Variants in SEC23IP observed in about 807,000 individuals in gnomAD.
SEC23IP encodes the protein SEC23-interacting protein.
A neutral mutation model predicts 113.4 loss-of-function variants in SEC23IP; 70 were observed. That is an observed-to-expected ratio of 0.62 (90% confidence interval 0.51 to 0.75). SEC23IP has a LOEUF of 0.75. Among genes scored for constraint, SEC23IP ranks in the 30% least tolerant of loss-of-function variants. SEC23IP has a pLI of 0.00. For synonymous variants in SEC23IP, 398 were observed against 421.0 expected (o/e 0.95, Z 0.67); for missense variants, 1,160 against 1,204.9 (o/e 0.96, Z 0.55).
rs2134460029 is a variant in SEC23IP at position 119,902,848 on chromosome 10, C to G, written c.746C>G (p.Pro249Arg). The change falls in exon 3 of 19, where the codon CCT (proline) becomes CGT (arginine). Residue 249 changes from proline (P) to arginine (R), a missense_variant. Transcript: ENST00000369075. ...GCACAGCAGCAGGTACCTGCCAGAC[C>G]TGGGGCTCCCTCTGTTCAAGTGCCA... ...SPAQQQVPAR[P>R]GAPSVQVPSP... 6.2e-7 allele frequency: 1 copy of G among 1,614,196 alleles called. No homozygotes were observed. The highest frequency in any genetic ancestry group is 1.1e-5 in the South Asian group (1 of 91,092).
rs1376149597 is a variant in SEC23IP, at chr10:119,943,265, G to T, written c.*2700G>T. ...GTTTGAGTCAGTTTCCCAGGGCTGGGTCCTCAGAGGAGAGTGGATAGAATT... is the reference window on the plus strand; with the variant it reads ...GTTTGAGTCAGTTTCCCAGGGCTGGTTCCTCAGAGGAGAGTGGATAGAATT... On this transcript the variant is annotated 3_prime_UTR_variant, in exon 19 of 19. Coordinates refer to ENST00000369075, the MANE Select transcript of SEC23IP (RefSeq NM_007190.4). 1 of 152,176 alleles carries T rather than the reference G, an allele frequency of 6.6e-6. No individual in the cohort carries two copies. Among genetic ancestry groups the T allele is most frequent in the African/African-American group, 2.4e-5 (1 of 41,436 alleles). The allele number at this position is 152,176 out of a possible 1,614,324, so 9.4% of individuals were successfully genotyped here. A position where few individuals can be genotyped will look rare whatever the true frequency, so the allele number is the denominator to read the frequency against.
intron 18 of SEC23IP, among the ~76,000 whole-genome samples, chr10:119,939,124 A>G (rs1023008513): frequency 2.0e-5 from 3 of 151,936 alleles, no homozygotes; most frequent in African/African-American, 7.3e-5. Context: ...GCTTAGCAAC[A>G]TAGACAAGAC....
chr10:119,899,572 G>GATC (rs2134453696), intron 2 of SEC23IP, among the ~76,000 whole-genome samples: 1 of 152,296 alleles, frequency 6.6e-6, no homozygotes, highest in African/African-American at 2.4e-5. Flanking sequence ...CAGTGTGGTG[G>GATC]AGATAGCAGT....
chr10:119,901,726 A>G (rs1026710269), intron 2 of SEC23IP, among the ~76,000 whole-genome samples: 2 of 152,082 alleles, frequency 1.3e-5, no homozygotes, highest in Non-Finnish European at 2.9e-5. Flanking sequence ...AGTCTCTGTC[A>G]CTCAGGCTGG....
intron 13 of SEC23IP, among the ~76,000 whole-genome samples, chr10:119,929,378 C>G (rs962411757): frequency 6.6e-6 from 1 of 152,164 alleles, no homozygotes; most frequent in East Asian, 1.9e-4. Context: ...GAACTACAGG[C>G]GCATGCCACC....
chr10:119,925,193 TTC>T (rs1269575228), intron 12 of SEC23IP, among the ~76,000 whole-genome samples: 3 of 152,186 alleles, frequency 2.0e-5, no homozygotes, highest in African/African-American at 7.2e-5. Flanking sequence ...CTGTGTTCAT[TTC>T]TGTTTCATGA....
chr10:119,928,533 A>G (rs955683905), intron 13 of SEC23IP, among the ~76,000 whole-genome samples: 4 of 152,202 alleles, frequency 2.6e-5, no homozygotes, highest in African/African-American at 7.2e-5. Context: ...TCCATCACTC[A>G]CTGGCTCTGT....
intron 1 of SEC23IP, 25 bp downstream of exon 1, chr10:119,892,970 G>C: frequency 6.3e-7 from 1 of 1,598,796 alleles, no homozygotes; most frequent in Non-Finnish European, 8.5e-7. Flanking sequence ...GCGGCCCCGT[G>C]TGTGGTGGGA....
chr10:119,931,420 G>A (rs1026944285), intron 15 of SEC23IP, among the ~76,000 whole-genome samples: 1 of 150,598 alleles, frequency 6.6e-6, no homozygotes, highest in Admixed American at 6.7e-5. Flanking sequence ...GGCTGGTCTT[G>A]AACTCCAGGC....
intron 10 of SEC23IP, 144 bp downstream of exon 10, chr10:119,918,655 G>T: frequency 1.6e-6 from 1 of 635,724 alleles, no homozygotes; most frequent in South Asian, 1.8e-5. Context: ...GGTTGCTTGG[G>T]CTAGTCTTGA....
chr10:119,893,808 C>T (rs929023544), intron 1 of SEC23IP, among the ~76,000 whole-genome samples: 2 of 152,158 alleles, frequency 1.3e-5, no homozygotes, highest in East Asian at 1.9e-4. Context: ...GTTTAACCCC[C>T]CACCCATTCC....
At chr10:119,931,215 G>C (rs920910995) in intron 15 of SEC23IP, among the ~76,000 whole-genome samples, 10 of 148,932 alleles carry the variant, frequency 6.7e-5, no homozygotes, top group African/African-American at 2.5e-4. Flanking sequence ...GGGAGGCGAA[G>C]GTGGCAGTGA....
At chr10:119,910,534 T>C (rs1007173657) in intron 5 of SEC23IP, among the ~76,000 whole-genome samples, 3 of 152,194 alleles carry the variant, frequency 2.0e-5, no homozygotes, top group African/African-American at 7.2e-5. Flanking sequence ...ATAATCCAAC[T>C]ACTTCTATAG....
Position 119,898,904 on chromosome 10 carries a change from C to T in SEC23IP, c.641C>T (p.Pro214Leu), listed in dbSNP as rs755625808. The change falls in exon 2 of 19, where the codon CCA becomes CTA. Residue 214 changes from proline (P) to leucine (L), a missense_variant. Physicochemically the swap from Pro to Leu is moderately conservative, Grantham distance 98 (BLOSUM62 -3). Transcript: ENST00000369075. ...ACACCAGGCCCTCCTGCTCATCCTC[C>T]ACCTTCTGGACCCCCTGTTCAGATG... ...CQTPGPPAHP[P>L]PSGPPVQMYQ... is the part of the protein sequence containing the mutation. 21 of 1,603,156 alleles carry T rather than the reference C, an allele frequency of 1.3e-5. No homozygotes were observed. Among genetic ancestry groups the T allele is most frequent in the Admixed American group, 1.7e-5 (1 of 59,902 alleles).
rs772939972 is a variant in SEC23IP, at chr10:119,932,172, A to G, written c.2612A>G (p.Lys871Arg). 3.1e-6 allele frequency: 5 copies of G among 1,612,972 alleles called. No individual in the cohort carries two copies. The highest frequency in any genetic ancestry group is 2.2e-5 in the East Asian group (1 of 44,864). ...CTCTCTCGTATGGGATCTGATTTGAAGCAGGGTTTTATTAGCTCTCTCAAA... is the reference window on the plus strand; with the variant it reads ...CTCTCTCGTATGGGATCTGATTTGAGGCAGGGTTTTATTAGCTCTCTCAAA... Reference protein sequence around the residue: ...ESLSRMGSDLKQGFISSLKSA... With the variant: ...ESLSRMGSDLRQGFISSLKSA... The change falls in exon 16 of 19, where the codon AAG becomes AGG. Residue 871 changes from lysine to arginine, a missense_variant. Lys to Arg is a conservative substitution (Grantham distance 26). Transcript: ENST00000369075.
chr10:119,913,008 C>T (rs892765584), intron 6 of SEC23IP, among the ~76,000 whole-genome samples: 4 of 152,176 alleles, frequency 2.6e-5, no homozygotes, highest in Non-Finnish European at 5.9e-5. Context: ...TGCTATCGAA[C>T]AGTAGAAGTT....
chr10:119,895,054 T>C (rs1169466521), intron 1 of SEC23IP, among the ~76,000 whole-genome samples: 1 of 151,982 alleles, frequency 6.6e-6, no homozygotes, highest in Admixed American at 6.6e-5. Flanking sequence ...ATCATATAAG[T>C]GGAAGAGAGA....
Position 119,898,858 on chromosome 10 carries a change from C to T in SEC23IP, c.595C>T (p.Pro199Ser), listed in dbSNP as rs777262288. The T allele has an allele frequency of 3.1e-6, 5 of 1,611,578 alleles. No homozygotes were observed. The highest frequency in any genetic ancestry group is 4.2e-6 in the Non-Finnish European group (5 of 1,179,998). Reference sequence around the variant, plus strand: ...CAGGGCTAATCCTTACATTGCACCACCCCAGCTGCAGCAGTGCCAAACACC... The same window carrying T: ...CAGGGCTAATCCTTACATTGCACCATCCCAGCTGCAGCAGTGCCAAACACC... ...SSRANPYIAP[P>S]QLQQCQTPGP... Residue 199 changes from proline (P) to serine (S), a missense_variant, in exon 2 of 19, where the codon CCC becomes TCC. Transcript: ENST00000369075.
At chr10:119,913,479 A>G (rs1319197696) in intron 6 of SEC23IP, among the ~76,000 whole-genome samples, 1 of 151,266 alleles carries the variant, frequency 6.6e-6, no homozygotes, top group East Asian at 2.0e-4. Context: ...AAATGAGCAT[A>G]TCCGTTTTCC....
Sources: gnomAD v4.1 joint callset for allele counts (sites outside exome capture counted in the v4.1 genomes callset) on GRCh38, gnomAD v4.1.1 for gene constraint, MANE v1.5 for transcripts, NCBI Gene and HGNC (gene_info 2026-07-23, HGNC 2026-07-21) for gene names.